TOX2: variants seen among roughly 807,000 people sequenced by gnomAD.
TOX2 encodes granulosa cell HMG box 1.
Under a neutral mutation model 47.4 loss-of-function variants are expected in TOX2, and 15 were observed. That is an observed-to-expected ratio of 0.32 (90% CI 0.21 to 0.49). The LOEUF (loss-of-function observed/expected upper bound fraction) is 0.49. TOX2 is among the 20% of genes least tolerant of loss of function. The pLI is 0.99. For synonymous variants in TOX2, 290 were observed against 296.6 expected, an observed-to-expected ratio of 0.98 and a Z score of 0.23; for missense variants, 622 against 673.1, an observed-to-expected ratio of 0.92 and a Z score of 0.84.
intron 1 of TOX2, among the ~76,000 whole-genome samples, chr20:43,947,463 CATG>C (rs537052371): frequency 1.3e-3 from 198 of 152,302 alleles, no homozygotes; most frequent in African/African-American, 4.5e-3. Context: ...CGGCTCAGCT[CATG>C]AGGAGGGCGT....
intron 1 of TOX2, among the ~76,000 whole-genome samples, chr20:43,937,562 G>A (rs2069342705): frequency 6.6e-6 from 1 of 152,156 alleles, no homozygotes; most frequent in African/African-American, 2.4e-5. Flanking sequence ...CTGCTGGCTG[G>A]TGGTCTTTGA....
intron 5 of TOX2, among the ~76,000 whole-genome samples, chr20:44,056,845 A>C (rs1600795085): frequency 6.6e-6 from 1 of 152,320 alleles, no homozygotes; most frequent in East Asian, 1.9e-4. Flanking sequence ...GGTTTAAAAA[A>C]AGTGTCTATA....
chr20:44,011,561 G>T (rs1162977306), intron 3 of TOX2, among the ~76,000 whole-genome samples: 2 of 152,206 alleles, frequency 1.3e-5, no homozygotes, highest in African/African-American at 4.8e-5. Flanking sequence ...CTCTTAAACA[G>T]CAAGGCCAGA....
chr20:44,006,886 C>T (rs2070693595), intron 3 of TOX2, 94 bp downstream of exon 3: 3 of 1,472,634 alleles, frequency 2.0e-6, no homozygotes, highest in African/African-American at 1.4e-5. Context: ...GATAAGAACT[C>T]TCTGCTCATG....
chr20:44,024,293 A>G (rs6017246), intron 3 of TOX2, among the ~76,000 whole-genome samples: 110,331 of 151,960 alleles, frequency 0.73, 40,331 homozygotes, highest in East Asian at 0.8. Context: ...ACCTTTACCC[A>G]GGGTTTATCC....
intron 3 of TOX2, among the ~76,000 whole-genome samples, chr20:44,017,314 T>C (rs911830265): frequency 1.6e-4 from 24 of 152,200 alleles, no homozygotes; most frequent in African/African-American, 5.5e-4. Flanking sequence ...ACCTAAGCTG[T>C]GGACGATTGA....
chr20:44,031,328 T>G (rs1203024859), intron 3 of TOX2, among the ~76,000 whole-genome samples: 1 of 152,220 alleles, frequency 6.6e-6, no homozygotes, highest in Non-Finnish European at 1.5e-5. Context: ...AGGACTCCTC[T>G]GCAATGCCAC....
intron 3 of TOX2, among the ~76,000 whole-genome samples, chr20:44,044,694 T>C (rs931101615): frequency 3.9e-4 from 59 of 152,152 alleles, no homozygotes; most frequent in African/African-American, 1.4e-3. Context: ...TGAAGTGATA[T>C]AGCCACTGTG....
intron 2 of TOX2, among the ~76,000 whole-genome samples, chr20:43,989,486 A>G (rs532951322): frequency 1.6e-4 from 25 of 152,280 alleles, no homozygotes; most frequent in African/African-American, 6.0e-4. Flanking sequence ...TTTTAAAAAC[A>G]GCATATATTA....
chr20:44,003,532 T>C (rs151253762), intron 2 of TOX2, among the ~76,000 whole-genome samples: 139 of 152,224 alleles, frequency 9.1e-4, no homozygotes, highest in African/African-American at 3.3e-3. Flanking sequence ...GACTGAGGCA[T>C]TGGGGATATA....
chr20:44,014,936 G>T (rs1304780775), intron 3 of TOX2, among the ~76,000 whole-genome samples: 1 of 152,228 alleles, frequency 6.6e-6, no homozygotes, highest in East Asian at 1.9e-4. Flanking sequence ...GAGCTTAAAA[G>T]CAACAGCGGA....
At chr20:44,064,953 A>C in intron 6 of TOX2, 96 bp downstream of exon 6, 1 of 1,159,646 alleles carries the variant, frequency 8.6e-7, no homozygotes, top group South Asian at 1.3e-5. Context: ...CCGGCACCCC[A>C]GGTCTTAGAA....
intron 5 of TOX2, among the ~76,000 whole-genome samples, chr20:44,056,513 T>A (rs184485675): frequency 2.0e-5 from 3 of 152,278 alleles, no homozygotes; most frequent in Non-Finnish European, 2.9e-5. Context: ...CACCGATGCT[T>A]TCTCTGACCT....
intron 1 of TOX2, among the ~76,000 whole-genome samples, chr20:43,945,239 A>G (rs781162987): frequency 1.3e-5 from 2 of 152,250 alleles, no homozygotes; most frequent in Non-Finnish European, 2.9e-5. Flanking sequence ...GGTATCTTTT[A>G]TAGTGCATGT....
intron 7 of TOX2, 87 bp downstream of exon 7, chr20:44,066,194 C>A: frequency 7.3e-7 from 1 of 1,378,946 alleles, no homozygotes; most frequent in Non-Finnish European, 9.6e-7. Flanking sequence ...CCCTGCCACT[C>A]ACCAGTGATA....
At chr20:43,943,052 A>G (rs1335551126) in intron 1 of TOX2, among the ~76,000 whole-genome samples, 2 of 152,234 alleles carry the variant, frequency 1.3e-5, no homozygotes, top group Admixed American at 6.5e-5. Flanking sequence ...TGCACCTGGA[A>G]TCCGGTCTCA....
intron 1 of TOX2, among the ~76,000 whole-genome samples, chr20:43,953,735 T>C (rs1043387567): frequency 6.6e-6 from 1 of 152,100 alleles, no homozygotes; most frequent in African/African-American, 2.4e-5. Flanking sequence ...AAGCAGGACC[T>C]TAGGACCAAG....
intron 2 of TOX2, among the ~76,000 whole-genome samples, chr20:44,003,269 CT>C (rs1378969762): frequency 6.6e-6 from 1 of 151,476 alleles, no homozygotes; most frequent in Non-Finnish European, 1.5e-5. Context: ...TCACTTCAGC[CT>C]TGACATCCTG....
chr20:44,052,099 G>A (rs1370281070), intron 4 of TOX2, among the ~76,000 whole-genome samples: 1 of 152,206 alleles, frequency 6.6e-6, no homozygotes, highest in Non-Finnish European at 1.5e-5. Flanking sequence ...TGACAAAACT[G>A]TGTGGTCCAG....
Sources: allele counts gnomAD v4.1 joint callset (sites outside exome capture counted in the v4.1 genomes callset), GRCh38; gene constraint gnomAD v4.1.1; transcripts MANE v1.5; gene names NCBI Gene and HGNC (gene_info 2026-07-23, HGNC 2026-07-21).